Variants in EDN1 observed in about 807,000 individuals in gnomAD.
EDN1 encodes the protein endothelin 1.
A neutral mutation model predicts 21.7 loss-of-function variants in EDN1; 11 were observed. That is an observed-to-expected ratio of 0.51 (90% CI 0.32 to 0.84). The LOEUF (loss-of-function observed/expected upper bound fraction) is 0.84, where lower values mean the gene tolerates loss of function less well. Among genes scored for constraint, EDN1 ranks in the 40% least tolerant of loss-of-function variants. The pLI is 0.03. For synonymous variants in EDN1, 85 were observed against 90.6 expected, an observed-to-expected ratio of 0.94 and a Z score of 0.35; for missense variants, 244 against 262.3, an observed-to-expected ratio of 0.93 and a Z score of 0.48.
At chr6:12,236,287 AT>A in the EDN1 span, among the ~76,000 whole-genome samples, 55,107 of 149,202 alleles carry the variant, frequency 0.37, 10,282 homozygotes, top group South Asian at 0.48. Context: ...ATGCCAAACA[AT>A]TTTTTTTTTT....
the EDN1 span, among the ~76,000 whole-genome samples, chr6:12,252,931 G>A: frequency 2.5e-4 from 38 of 152,266 alleles, no homozygotes; most frequent in African/African-American, 8.7e-4. Context: ...GAGAGGTAGA[G>A]GAAATCACCT....
At chr6:12,289,048 G>A (rs530687217), upstream of EDN1, among the ~76,000 whole-genome samples, 382 of 152,228 alleles carry the variant, frequency 2.5e-3, 4 homozygotes, top group African/African-American at 5.6e-3. Context: ...TGGGACTAGC[G>A]GAAAAAGCCA....
At position 12,296,223 on chromosome 6, in the gene EDN1, G is replaced by A. The variant is rs375205226; in HGVS notation, c.*156G>A. ...TCCTCGTTCAAAACATTCCAAGAAA[G>A]GTTAAGGAGTTCCCCCAACCATCTT... is the stretch of plus-strand genomic sequence containing the variant. On this transcript the variant is annotated 3_prime_UTR_variant, in exon 5 of 5. Coordinates refer to ENST00000379375, the MANE Select transcript of EDN1 (RefSeq NM_001955.5). 18 of 695,184 alleles carry A rather than the reference G, an allele frequency of 2.6e-5. No individual in the cohort carries two copies. The highest frequency in any genetic ancestry group is 1.8e-4 in the South Asian group (12 of 66,656). The allele number at this position is 695,184 out of a possible 1,614,324, so 43.1% of individuals were successfully genotyped here.
At chr6:12,255,463 A>T in the EDN1 span, among the ~76,000 whole-genome samples, 1 of 152,240 alleles carries the variant, frequency 6.6e-6, no homozygotes, top group East Asian at 1.9e-4. Flanking sequence ...ATGGCTAAAG[A>T]GTAGAGGTAC....
the EDN1 span, among the ~76,000 whole-genome samples, chr6:12,264,479 G>A: frequency 6.6e-6 from 1 of 152,134 alleles, no homozygotes; most frequent in Non-Finnish European, 1.5e-5. Flanking sequence ...CTAGTAAGTG[G>A]GTTGGAAGGG....
At chr6:12,280,606 A>C in the EDN1 span, among the ~76,000 whole-genome samples, 81 of 152,324 alleles carry the variant, frequency 5.3e-4, no homozygotes, top group South Asian at 0.016. Flanking sequence ...TAATAAATGT[A>C]GTCCCTGGCT....
At chr6:12,291,039 C>T (rs1371882077) in intron 1 of EDN1, among the ~76,000 whole-genome samples, 4 of 152,112 alleles carry the variant, frequency 2.6e-5, no homozygotes, top group African/African-American at 9.7e-5. Context: ...TGTGTTTATA[C>T]AGGTACACAG....
the EDN1 span, among the ~76,000 whole-genome samples, chr6:12,274,939 C>CTCCCTTCCTTCCT: frequency 3.0e-5 from 4 of 135,342 alleles, no homozygotes; most frequent in African/African-American, 1.1e-4. Context: ...TTTCTTCCTT[C>CTCCCTTCCTTCCT]TCCTTCCTTC....
the EDN1 span, among the ~76,000 whole-genome samples, chr6:12,238,304 G>A: frequency 6.6e-3 from 1,010 of 152,278 alleles, 2 homozygotes; most frequent in Non-Finnish European, 0.01. Flanking sequence ...TCTGGGGTGT[G>A]ATAGCACATT....
chr6:12,252,224 T>G, the EDN1 span, among the ~76,000 whole-genome samples: 2 of 151,930 alleles, frequency 1.3e-5, no homozygotes, highest in Non-Finnish European at 2.9e-5. Flanking sequence ...ATGTAAGAGT[T>G]CTTGGTATAT....
the EDN1 span, among the ~76,000 whole-genome samples, chr6:12,243,304 AGAGGAGGAG>A: frequency 1.0e-5 from 1 of 97,058 alleles, no homozygotes; most frequent in East Asian, 3.3e-4. Context: ...GAGGAGGAGG[AGAGGAGGAG>A]GAGGAGGAGG....
the EDN1 span, among the ~76,000 whole-genome samples, chr6:12,234,830 G>T: frequency 6.6e-6 from 1 of 152,186 alleles, no homozygotes; most frequent in African/African-American, 2.4e-5. Context: ...GAGATAGCCA[G>T]AGTTTAGGAG....
the EDN1 span, among the ~76,000 whole-genome samples, chr6:12,233,394 T>C: frequency 6.6e-6 from 1 of 152,186 alleles, no homozygotes; most frequent in Non-Finnish European, 1.5e-5. Context: ...AATTATCTAG[T>C]CTACCCGCCT....
the EDN1 span, among the ~76,000 whole-genome samples, chr6:12,272,943 T>G: frequency 1.3e-5 from 2 of 152,186 alleles, no homozygotes; most frequent in African/African-American, 4.8e-5. Flanking sequence ...CTGGTGCTAT[T>G]CCAGGTGTTA....
At chr6:12,251,445 A>T in the EDN1 span, among the ~76,000 whole-genome samples, 3 of 152,202 alleles carry the variant, frequency 2.0e-5, no homozygotes, top group African/African-American at 7.2e-5. Context: ...TCTGTCTCCT[A>T]AATTTCCAAG....
intron 1 of EDN1, among the ~76,000 whole-genome samples, chr6:12,291,431 C>T (rs1208298701): frequency 6.6e-6 from 1 of 152,184 alleles, no homozygotes; most frequent in Non-Finnish European, 1.5e-5. Flanking sequence ...TGTGCATCTG[C>T]CCGGGTCCCC....
chr6:12,269,940 C>A, the EDN1 span, among the ~76,000 whole-genome samples: 1 of 151,926 alleles, frequency 6.6e-6, no homozygotes, highest in African/African-American at 2.4e-5. Flanking sequence ...TGGTCCGGGG[C>A]TTTTCTTTGA....
At chr6:12,275,802 CGTGTGTGTGTGTGT>C in the EDN1 span, among the ~76,000 whole-genome samples, 3 of 147,162 alleles carry the variant, frequency 2.0e-5, no homozygotes, top group African/African-American at 7.5e-5. Flanking sequence ...TTGGGGGCAC[CGTGTGTGTGTGTGT>C]GTGTGTGTGT....
the EDN1 span, among the ~76,000 whole-genome samples, chr6:12,262,424 G>A: frequency 7.7e-4 from 117 of 152,312 alleles, 2 homozygotes; most frequent in Non-Finnish European, 1.0e-3. Flanking sequence ...CCAGATGCAG[G>A]TCTGGCTTCC....
Sources: allele counts gnomAD v4.1 joint callset (sites outside exome capture counted in the v4.1 genomes callset), GRCh38; gene constraint gnomAD v4.1.1; transcripts MANE v1.5; gene names NCBI Gene and HGNC (gene_info 2026-07-23, HGNC 2026-07-21).